HNF4G: variants seen among roughly 807,000 people sequenced by gnomAD.
HNF4G encodes hepatocyte nuclear factor 4 gamma.
A neutral mutation model predicts 50.9 loss-of-function variants in HNF4G; 21 were observed. That is an observed-to-expected ratio of 0.41 (90% confidence interval 0.29 to 0.59). The LOEUF is 0.59. Ranked by LOEUF, HNF4G falls within the 20% of genes least tolerant of loss-of-function variation. The probability of loss-of-function intolerance (pLI) is 0.26; values close to 1 mark genes in which losing one functional copy is unlikely to be tolerated. For synonymous variants in HNF4G, 198 were observed against 185.6 expected, an observed-to-expected ratio of 1.07 and a Z score of -0.54; for missense variants, 527 against 559.4, an observed-to-expected ratio of 0.94 and a Z score of 0.58.
intron 6 of HNF4G, among the ~76,000 whole-genome samples, chr8:75,556,885 T>C (rs1807144832): frequency 6.6e-6 from 1 of 152,236 alleles, no homozygotes; most frequent in African/African-American, 2.4e-5. Flanking sequence ...CATGTATATG[T>C]ATATATATTC....
chr8:75,483,655 C>T (rs1450185014), intron 1 of HNF4G, among the ~76,000 whole-genome samples: 7 of 152,068 alleles, frequency 4.6e-5, no homozygotes, highest in Non-Finnish European at 7.3e-5. Context: ...AGCTTAATGT[C>T]GTGTATTTAA....
At chr8:75,420,059 C>T (rs1424973184) in intron 1 of HNF4G, among the ~76,000 whole-genome samples, 3 of 151,786 alleles carry the variant, frequency 2.0e-5, no homozygotes, top group Non-Finnish European at 4.4e-5. Context: ...GATATCAGAA[C>T]TAGGTTAAAA....
In HNF4G at chr8:75,565,295, G is replaced by A. The variant is rs977959325; in HGVS notation, c.*1199G>A. 4 of 152,226 alleles carry A rather than the reference G, an allele frequency of 2.6e-5. No individual in the cohort carries two copies. The highest frequency in any genetic ancestry group is 5.9e-5 in the Non-Finnish European group (4 of 68,016). The allele number at this position is 152,226 out of a possible 1,614,324, so 9.4% of individuals were successfully genotyped here. On this transcript the variant is annotated 3_prime_UTR_variant, in exon 10 of 10. Coordinates refer to ENST00000396423, the MANE Select transcript of HNF4G (RefSeq NM_004133.5). Reference sequence around the variant, plus strand: ...ATATTGCCTATAATATATATTTACCGATAAGCAGTGAGTGTAAAATTGTTG... The same window carrying A: ...ATATTGCCTATAATATATATTTACCAATAAGCAGTGAGTGTAAAATTGTTG...
At chr8:75,538,857 T>C (rs1806537136), upstream of HNF4G, among the ~76,000 whole-genome samples, 1 of 152,160 alleles carries the variant, frequency 6.6e-6, no homozygotes, top group Non-Finnish European at 1.5e-5. Flanking sequence ...GGGTGAAAAG[T>C]ACAATAGTTT....
At chr8:75,512,804 A>T (rs1253026228) in intron 2 of HNF4G, among the ~76,000 whole-genome samples, 1 of 152,130 alleles carries the variant, frequency 6.6e-6, no homozygotes, top group African/African-American at 2.4e-5. Context: ...GGTGAATCAC[A>T]TGAATAGATT....
At chr8:75,514,370 C>CTT (rs570442907) in intron 2 of HNF4G, among the ~76,000 whole-genome samples, 3 of 62,046 alleles carry the variant, frequency 4.8e-5, no homozygotes, top group African/African-American at 1.3e-4. Context: ...TTTTTTCTTT[C>CTT]TTTTTTTTTT....
chr8:75,534,433 G>C (rs1806408553), intron 2 of HNF4G, among the ~76,000 whole-genome samples: 2 of 151,692 alleles, frequency 1.3e-5, no homozygotes, highest in African/African-American at 2.4e-5. Context: ...TTTTTACTCA[G>C]AGCATTTTCT....
chr8:75,425,163 G>T (rs1316526609), intron 1 of HNF4G, among the ~76,000 whole-genome samples: 1 of 151,134 alleles, frequency 6.6e-6, no homozygotes, highest in Admixed American at 6.6e-5. Flanking sequence ...TCGGCTCACT[G>T]CAACTTTGTC....
In HNF4G at chr8:75,558,948, T is replaced by A; in HGVS notation, c.1034T>A (p.Ile345Asn). Residue 345 changes from isoleucine to asparagine, a missense_variant, in exon 8 of 10, where the codon ATC becomes AAC. Around this residue, in one of 5 missense-constraint regions of HNF4G, gnomAD observed 308 missense variants for 301.5 expected, o/e 1.02. Coordinates refer to ENST00000396423, the MANE Select transcript of HNF4G (RefSeq NM_004133.5). Reference sequence around the variant, plus strand: ...CTGCTCCTGCCCACACTGCAGAGCATCACGTGGCAAATGATTGAGCAAATA... The same window carrying A: ...CTGCTCCTGCCCACACTGCAGAGCAACACGTGGCAAATGATTGAGCAAATA... The part of the protein sequence containing the change: ...LLLLLPTLQS[I>N]TWQMIEQIQF... The A allele has an allele frequency of 1.2e-6, 2 of 1,614,000 alleles. No individual in the cohort carries two copies. The highest frequency in any genetic ancestry group is 1.7e-6 in the Non-Finnish European group (2 of 1,179,910).
At chr8:75,497,961 TA>T (rs1392844602) in intron 2 of HNF4G, among the ~76,000 whole-genome samples, 9 of 152,034 alleles carry the variant, frequency 5.9e-5, no homozygotes, top group Admixed American at 3.9e-4. Flanking sequence ...CTGAAATTTT[TA>T]AAATAAATTT....
At chr8:75,552,642 A>C in intron 4 of HNF4G, among the ~76,000 whole-genome samples, 1 of 152,130 alleles carries the variant, frequency 6.6e-6, no homozygotes, top group East Asian at 1.9e-4. Context: ...TCCACAAATT[A>C]AAGAAAATAT....
chr8:75,503,199 G>C (rs908762335), intron 2 of HNF4G, among the ~76,000 whole-genome samples: 1 of 152,158 alleles, frequency 6.6e-6, no homozygotes, highest in African/African-American at 2.4e-5. Context: ...TTTGACATTA[G>C]ATAGCCCTGT....
intron 2 of HNF4G, among the ~76,000 whole-genome samples, chr8:75,509,348 A>G (rs1413181296): frequency 6.6e-6 from 1 of 152,200 alleles, no homozygotes; most frequent in Non-Finnish European, 1.5e-5. Flanking sequence ...TCCTGGATCT[A>G]AGATTTGTCT....
intron 1 of HNF4G, among the ~76,000 whole-genome samples, chr8:75,426,337 T>G (rs1440980776): frequency 6.6e-6 from 1 of 152,224 alleles, no homozygotes; most frequent in Non-Finnish European, 1.5e-5. Context: ...TCTAGACTTA[T>G]CGTACTTTTT....
chr8:75,459,269 TAGTC>T (rs1449823581), intron 1 of HNF4G, among the ~76,000 whole-genome samples: 6 of 152,200 alleles, frequency 3.9e-5, no homozygotes, highest in African/African-American at 4.8e-5. Flanking sequence ...ACTGCATTCT[TAGTC>T]AGTGTAATAT....
chr8:75,532,383 C>T (rs1806351706), intron 2 of HNF4G, among the ~76,000 whole-genome samples: 1 of 151,918 alleles, frequency 6.6e-6, no homozygotes. Flanking sequence ...ATTGCATACT[C>T]TTGTAGTAGT....
chr8:75,476,214 G>C (rs1812235847), intron 1 of HNF4G, among the ~76,000 whole-genome samples: 3 of 152,070 alleles, frequency 2.0e-5, no homozygotes, highest in Admixed American at 2.0e-4. Flanking sequence ...CTGTTTCTAA[G>C]TTATTTCACT....
upstream of HNF4G, among the ~76,000 whole-genome samples, chr8:75,537,937 A>G (rs1332097868): frequency 6.6e-6 from 1 of 152,130 alleles, no homozygotes; most frequent in Non-Finnish European, 1.5e-5. Flanking sequence ...GTAAATTATG[A>G]GTCCTAGAAT....
rs182294156 is a variant in HNF4G, at chr8:75,512,756, G to A, written c.-24+22548G>A. 1.5e-3 allele frequency among the ~76,000 whole-genome samples: 223 copies of A among 152,026 alleles called. 1 individual carries two copies. Among genetic ancestry groups the A allele is most frequent in the African/African-American group, 5.1e-3 (211 of 41,474 alleles). ...TGGGATTACAGGTGTGAGCCACCGCGCCCGGTCAACATCTTTATTATTTTA... is the reference window on the plus strand; with the variant it reads ...TGGGATTACAGGTGTGAGCCACCGCACCCGGTCAACATCTTTATTATTTTA... On this transcript the variant is annotated intron_variant, in intron 2 of 10. Coordinates refer to the HNF4G transcript ENST00000354370.
Sources: allele counts gnomAD v4.1 joint callset (sites outside exome capture counted in the v4.1 genomes callset), GRCh38; gene constraint gnomAD v4.1.1; regional missense constraint gnomAD v4.1.1; transcripts MANE v1.5; gene names NCBI Gene and HGNC (gene_info 2026-07-23, HGNC 2026-07-21).